The following CSGALNACT1 variants were observed in gnomAD, a reference collection of about 807,000 sequenced individuals.
CSGALNACT1 encodes chondroitin sulfate N-acetylgalactosaminyltransferase 1, also known as beta4GalNAcT-1.
Under a neutral mutation model 51.0 loss-of-function variants are expected in CSGALNACT1, and 52 were observed. The ratio of observed to expected loss-of-function variants is 1.02; its 90% confidence interval spans 0.82 to 1.29. The LOEUF is 1.29. Among genes scored for constraint, CSGALNACT1 ranks in the 50% most tolerant of loss-of-function variants. CSGALNACT1 has a pLI of 0.00. For missense variants in CSGALNACT1, 935 were observed against 679.2 expected, an observed-to-expected ratio of 1.38 and a Z score of -4.19; for synonymous variants, 341 against 254.4, an observed-to-expected ratio of 1.34 and a Z score of -3.24.
At chr8:19,539,974 A>C (rs1206456785) in intron 3 of CSGALNACT1, among the ~76,000 whole-genome samples, 3 of 152,212 alleles carry the variant, frequency 2.0e-5, no homozygotes, top group Non-Finnish European at 4.4e-5. Context: ...CCCTCTTGAA[A>C]GAAGAAATAC....
intron 4 of CSGALNACT1, among the ~76,000 whole-genome samples, chr8:19,460,319 T>G (rs1586513875): frequency 6.6e-6 from 1 of 152,360 alleles, no homozygotes; most frequent in South Asian, 2.1e-4. Context: ...TATATTGTTA[T>G]GATTATTCTC....
chr8:19,509,098 G>A (rs1243238448), intron 3 of CSGALNACT1, among the ~76,000 whole-genome samples: 1 of 152,182 alleles, frequency 6.6e-6, no homozygotes, highest in Non-Finnish European at 1.5e-5. Context: ...CCTTTGAAAC[G>A]TCAGAAGCAG....
intron 3 of CSGALNACT1, among the ~76,000 whole-genome samples, chr8:19,515,782 G>T (rs1367360471): frequency 6.6e-6 from 1 of 152,092 alleles, no homozygotes; most frequent in African/African-American, 2.4e-5. Context: ...ATGGAGAGGG[G>T]CTTCCTGTCT....
At chr8:19,570,264 C>G (rs2975455) in intron 3 of CSGALNACT1, among the ~76,000 whole-genome samples, 1 of 152,092 alleles carries the variant, frequency 6.6e-6, no homozygotes, top group Non-Finnish European at 1.5e-5. Flanking sequence ...TTTCCCAAGG[C>G]TTAATATTCG....
At chr8:19,738,882 C>G (rs1301823183) in intron 1 of CSGALNACT1, among the ~76,000 whole-genome samples, 3 of 151,954 alleles carry the variant, frequency 2.0e-5, no homozygotes, top group South Asian at 4.1e-4. Context: ...ATAGAAGACA[C>G]AAAACAAGTA....
At chr8:19,666,795 GAAAGAAAGAAAGAA>G (rs754234557) in intron 1 of CSGALNACT1, among the ~76,000 whole-genome samples, 15,829 of 40,044 alleles carry the variant, frequency 0.4, 2,400 homozygotes, top group African/African-American at 0.46. Context: ...AAGAAAGAAA[GAAAGAAAGAAAGAA>G]AGAGAGAGAG....
At chr8:19,646,325 A>T (rs192251480) in intron 1 of CSGALNACT1, among the ~76,000 whole-genome samples, 15 of 152,332 alleles carry the variant, frequency 9.8e-5, no homozygotes, top group African/African-American at 3.1e-4. Flanking sequence ...CTGAAGAAAG[A>T]TCCTGTGTGA....
intron 1 of CSGALNACT1, among the ~76,000 whole-genome samples, chr8:19,702,799 G>C (rs1428594222): frequency 1.3e-5 from 2 of 152,108 alleles, no homozygotes; most frequent in African/African-American, 4.8e-5. Flanking sequence ...TTCTGGACAA[G>C]GGCTGAGCTG....
intron 7 of CSGALNACT1, among the ~76,000 whole-genome samples, chr8:19,419,306 G>A (rs747272235): frequency 5.3e-5 from 8 of 152,172 alleles, no homozygotes; most frequent in Non-Finnish European, 1.2e-4. Context: ...TGGGCATCAC[G>A]CCTTGGGAGG....
At position 19,590,640 on chromosome 8, in the gene CSGALNACT1, C is replaced by CTTTTTTTTTTTTTTTTTTT. The variant is rs34859554; in HGVS notation, c.-297+501_-297+519dup. 1.6e-4 allele frequency among the ~76,000 whole-genome samples: 11 copies of CTTTTTTTTTTTTTTTTTTT among 68,986 alleles called. 2 individuals carry two copies. Among genetic ancestry groups the CTTTTTTTTTTTTTTTTTTT allele is most frequent in the African/African-American group, 6.0e-4 (11 of 18,190 alleles). 45.3% of individuals were successfully genotyped at this position (68,986 alleles called of 152,430 possible). A position where few individuals can be genotyped will look rare whatever the true frequency, so the allele number is the denominator to read the frequency against. On this transcript the variant is annotated intron_variant, in intron 3 of 9. Transcript: ENST00000454498. ...TACTCATAGCTGGTGGACCTAACTA[C>CTTTTTTTTTTTTTTTTTTT]TTTTTTTTTTTTTTTTTTTTTTTTT...
At chr8:19,422,608 T>A (rs955847842) in intron 6 of CSGALNACT1, among the ~76,000 whole-genome samples, 1 of 152,240 alleles carries the variant, frequency 6.6e-6, no homozygotes, top group Non-Finnish European at 1.5e-5. Context: ...ATTGCACATT[T>A]TCTGTGTGTT....
At chr8:19,497,745 A>G (rs887744572) in intron 4 of CSGALNACT1, among the ~76,000 whole-genome samples, 1 of 152,178 alleles carries the variant, frequency 6.6e-6, no homozygotes, top group African/African-American at 2.4e-5. Context: ...TAAAGAGAAA[A>G]GTCAAACTGT....
chr8:19,468,323 T>C (rs1029695698), intron 4 of CSGALNACT1, among the ~76,000 whole-genome samples: 11 of 152,130 alleles, frequency 7.2e-5, no homozygotes, highest in African/African-American at 2.7e-4. Flanking sequence ...TCGGCAAGGC[T>C]GGAGTGCAAC....
intron 3 of CSGALNACT1, among the ~76,000 whole-genome samples, chr8:19,540,329 A>G (rs2084800830): frequency 6.6e-6 from 1 of 152,160 alleles, no homozygotes; most frequent in African/African-American, 2.4e-5. Context: ...GGAAAACAGT[A>G]TTTATTCTTT....
intron 4 of CSGALNACT1, among the ~76,000 whole-genome samples, chr8:19,491,957 C>A (rs1258634442): frequency 6.6e-6 from 1 of 152,174 alleles, no homozygotes; most frequent in Non-Finnish European, 1.5e-5. Context: ...TTAATGATTT[C>A]TTTAGACATG....
chr8:19,505,128 T>C, intron 4 of CSGALNACT1, 73 bp downstream of exon 3: 1 of 1,579,174 alleles, frequency 6.3e-7, no homozygotes, highest in South Asian at 1.1e-5. Context: ...CTCCTGGAGC[T>C]GGAACCTGCC....
At chr8:19,478,417 A>G (rs1365938032) in intron 4 of CSGALNACT1, among the ~76,000 whole-genome samples, 5 of 147,990 alleles carry the variant, frequency 3.4e-5, no homozygotes, top group East Asian at 4.0e-4. Context: ...CCGTCTCAAA[A>G]AAAAAAAAAA....
chr8:19,599,180 G>C (rs2049675041), intron 2 of CSGALNACT1, among the ~76,000 whole-genome samples: 1 of 151,916 alleles, frequency 6.6e-6, no homozygotes, highest in South Asian at 2.1e-4. Context: ...AGCACAGAGA[G>C]CTAGCATCAG....
intron 3 of CSGALNACT1, among the ~76,000 whole-genome samples, chr8:19,522,668 C>T (rs1248379565): frequency 6.6e-6 from 1 of 152,212 alleles, no homozygotes; most frequent in Non-Finnish European, 1.5e-5. Context: ...CTGGGTACAC[C>T]TTGGTGAAGT....
Sources: allele counts gnomAD v4.1 joint callset (sites outside exome capture counted in the v4.1 genomes callset), GRCh38; gene constraint gnomAD v4.1.1; transcripts MANE v1.5; gene names NCBI Gene and HGNC (gene_info 2026-07-23, HGNC 2026-07-21).